The following CDH18 variants were observed in gnomAD, a reference collection of about 807,000 sequenced individuals.
CDH18 encodes the protein cadherin 18.
A neutral mutation model predicts 67.9 loss-of-function variants in CDH18; 31 were observed. The ratio of observed to expected loss-of-function variants is 0.46; its 90% CI spans 0.34 to 0.62. The LOEUF (loss-of-function observed/expected upper bound fraction) is 0.62. Among genes scored for constraint, CDH18 ranks in the 20% least tolerant of loss-of-function variants. The pLI, the probability that CDH18 is intolerant of heterozygous loss-of-function variation, is 0.01. For synonymous variants in CDH18, 362 were observed against 347.2 expected (o/e 1.04, Z -0.48); for missense variants, 890 against 975.5 (o/e 0.91, Z 1.17).
intron 5 of CDH18, among the ~76,000 whole-genome samples, chr5:19,640,753 A>G (rs1198094866): frequency 6.6e-6 from 1 of 152,084 alleles, no homozygotes; most frequent in East Asian, 1.9e-4. Context: ...AAATATTTCA[A>G]ATAAACAGTA....
chr5:20,357,872 A>G (rs954710183), intron 1 of CDH18, among the ~76,000 whole-genome samples: 2 of 152,186 alleles, frequency 1.3e-5, no homozygotes, highest in Non-Finnish European at 2.9e-5. Context: ...ACTATTTGCA[A>G]TAGCAAAGAC....
At chr5:19,838,351 T>C (rs1781901070) in intron 3 of CDH18, among the ~76,000 whole-genome samples, 1 of 152,286 alleles carries the variant, frequency 6.6e-6, no homozygotes, top group African/African-American at 2.4e-5. Context: ...TTTAGCCACA[T>C]GTGCAGGAGC....
intron 2 of CDH18, among the ~76,000 whole-genome samples, chr5:19,907,268 T>G (rs561531308): frequency 6.6e-6 from 1 of 152,102 alleles, no homozygotes; most frequent in Admixed American, 6.6e-5. Flanking sequence ...GGGTCAAAAA[T>G]CATAGTATAG....
At chr5:20,375,414 A>G (rs1743332806) in intron 1 of CDH18, among the ~76,000 whole-genome samples, 1 of 152,312 alleles carries the variant, frequency 6.6e-6, no homozygotes, top group Non-Finnish European at 1.5e-5. Context: ...AAAGATTTCC[A>G]TGCATCTATT....
chr5:19,587,362 C>T (rs1284649407), intron 7 of CDH18, among the ~76,000 whole-genome samples: 1 of 152,120 alleles, frequency 6.6e-6, no homozygotes, highest in Non-Finnish European at 1.5e-5. Flanking sequence ...GATATCTTTG[C>T]CTGTGCCTAT....
At chr5:19,550,395 C>T (rs1202357912) in intron 8 of CDH18, among the ~76,000 whole-genome samples, 8 of 151,884 alleles carry the variant, frequency 5.3e-5, no homozygotes, top group African/African-American at 1.7e-4. Context: ...GTATATCTCC[C>T]AATGCTATCC....
intron 1 of CDH18, among the ~76,000 whole-genome samples, chr5:20,406,434 G>T (rs564664410): frequency 3.8e-4 from 58 of 151,622 alleles, no homozygotes; most frequent in African/African-American, 1.3e-3. Context: ...GGCCTGTTGT[G>T]GGGGAGGGGG....
rs766955714 is a variant in CDH18 at position 19,748,112 on chromosome 5, C to CAAAAAAAAAAA, written c.229-887_229-877dup. On this transcript the variant is annotated intron_variant, in intron 3 of 12. Transcript: ENST00000382275. ...TGGGAGACAGAGCGAGACTCCATCTCAAAAAAAAAAAAAAAAAAAAAGAGT... is the reference window on the plus strand; with the variant it reads ...TGGGAGACAGAGCGAGACTCCATCTCAAAAAAAAAAAAAAAAAAAAAAAAAAAAAAAAGAGT... Among the ~76,000 whole-genome samples, 41 of 14,858 alleles carry CAAAAAAAAAAA rather than the reference C, an allele frequency of 2.8e-3. 16 individuals are homozygous for CAAAAAAAAAAA. Among genetic ancestry groups the CAAAAAAAAAAA allele is most frequent in the Admixed American group, 7.5e-3 (4 of 532 alleles). The allele number at this position is 14,858 out of a possible 152,430, so 9.7% of individuals were successfully genotyped here. A position where few individuals can be genotyped will look rare whatever the true frequency, so the allele number is the denominator to read the frequency against.
chr5:19,827,146 A>G (rs1304321879), intron 3 of CDH18, among the ~76,000 whole-genome samples: 2 of 152,176 alleles, frequency 1.3e-5, no homozygotes, highest in African/African-American at 4.8e-5. Context: ...AAAGTGTTAC[A>G]TGATGGGAAA....
intron 2 of CDH18, among the ~76,000 whole-genome samples, chr5:20,242,607 A>AATGTATATATGTATATACATATATAC (rs1554106632): frequency 1.1e-5 from 1 of 88,268 alleles, no homozygotes; most frequent in Non-Finnish European, 2.0e-5. Flanking sequence ...AAAAAAAAAA[A>AATGTATATATGTATATACATATATAC]AAAAATATAT....
chr5:19,693,678 C>T (rs1762189852), intron 5 of CDH18, among the ~76,000 whole-genome samples: 1 of 152,124 alleles, frequency 6.6e-6, no homozygotes, highest in Admixed American at 6.6e-5. Flanking sequence ...AGGTGGATCA[C>T]TTCTGGTCAG....
At chr5:20,315,455 C>G (rs188806025) in intron 1 of CDH18, among the ~76,000 whole-genome samples, 35 of 152,138 alleles carry the variant, frequency 2.3e-4, no homozygotes, top group Non-Finnish European at 4.9e-4. Flanking sequence ...GCTTAGTATT[C>G]TAATTGATAT....
intron 2 of CDH18, among the ~76,000 whole-genome samples, chr5:19,907,229 T>C (rs1050905689): frequency 1.3e-5 from 2 of 151,970 alleles, no homozygotes; most frequent in African/African-American, 4.8e-5. Flanking sequence ...CCCGTGTCTG[T>C]AGATTGACAA....
At chr5:19,741,767 T>C (rs12108739) in intron 4 of CDH18, among the ~76,000 whole-genome samples, 103,429 of 152,016 alleles carry the variant, frequency 0.68, 40,538 homozygotes, top group South Asian at 0.87. Context: ...CCTAGGGCAG[T>C]AGTTCTTAAC....
At chr5:19,983,749 A>C (rs1799290236) in intron 1 of CDH18, among the ~76,000 whole-genome samples, 1 of 152,152 alleles carries the variant, frequency 6.6e-6, no homozygotes, top group Non-Finnish European at 1.5e-5. Context: ...TCCCAGAAAT[A>C]GTTTCCTGGA....
chr5:19,571,784 C>T lies in CDH18; in HGVS notation c.1048G>A (p.Ala350Thr). Residue 350 changes from alanine (A) to threonine (T), a missense_variant, in exon 8 of 13, where the codon GCA becomes ACA. Around this residue, in one of 2 missense-constraint regions of CDH18, gnomAD observed 656 missense variants for 668.1 expected, o/e 0.98. Transcript: ENST00000382275. ...KKSYTLNIEG[A>T]NTHLDFRFSH... ...AAGCGAAAATCAAGATGTGTATTTG[C>T]TCCTTCTATGTTGAGGGTATATGAC... is the stretch of plus-strand genomic sequence containing the variant. 6.2e-7 allele frequency: 1 copy of T among 1,613,630 alleles called. No individual in the cohort carries two copies. Among genetic ancestry groups the T allele is most frequent in the South Asian group, 1.1e-5 (1 of 91,072 alleles).
At chr5:20,497,210 G>GT (rs1419041923) in intron 1 of CDH18, among the ~76,000 whole-genome samples, 2 of 152,068 alleles carry the variant, frequency 1.3e-5, no homozygotes, top group East Asian at 3.9e-4. Flanking sequence ...GAACCAGGTT[G>GT]TTTTGAGCCT....
intron 1 of CDH18, among the ~76,000 whole-genome samples, chr5:20,517,045 T>A (rs1047487088): frequency 4.6e-5 from 7 of 151,956 alleles, no homozygotes; most frequent in Non-Finnish European, 7.4e-5. Flanking sequence ...AAACGAGAAT[T>A]ATGTATATTT....
At chr5:20,343,600 T>G (rs1260976513) in intron 1 of CDH18, among the ~76,000 whole-genome samples, 1 of 152,076 alleles carries the variant, frequency 6.6e-6, no homozygotes, top group Non-Finnish European at 1.5e-5. Context: ...TAAAGCAGGA[T>G]ATACAATGGT....
Sources: gnomAD v4.1 joint callset for allele counts (sites outside exome capture counted in the v4.1 genomes callset) on GRCh38, gnomAD v4.1.1 for gene constraint, gnomAD v4.1.1 regional missense constraint, MANE v1.5 for transcripts, NCBI Gene and HGNC (gene_info 2026-07-23, HGNC 2026-07-21) for gene names.